TNK2: variants seen among roughly 807,000 people sequenced by gnomAD.
TNK2 encodes activated CDC42 kinase 1.
TNK2 carries 83 observed loss-of-function variants against 101.8 expected under a neutral mutation model. The ratio of observed to expected loss-of-function variants is 0.82; its 90% CI spans 0.68 to 0.98. The LOEUF (loss-of-function observed/expected upper bound fraction) is 0.98, where lower values mean the gene tolerates loss of function less well. Ranked by LOEUF, TNK2 falls within the 50% of genes least tolerant of loss-of-function variation. The probability of loss-of-function intolerance (pLI) is 0.00; values close to 1 mark genes in which losing one functional copy is unlikely to be tolerated. For synonymous variants in TNK2, 804 were observed against 633.0 expected (o/e 1.27, Z -4.06); for missense variants, 1,665 against 1,483.2 (o/e 1.12, Z -2.01).
intron 1 of TNK2, chr3:195,895,600 G>A: frequency 7.7e-7 from 1 of 1,307,090 alleles, no homozygotes; most frequent in South Asian, 2.3e-5. Flanking sequence ...AGCCAGCTGT[G>A]CCAGCCCCGG....
intron 1 of TNK2, among the ~76,000 whole-genome samples, chr3:195,899,089 G>A (rs1414239639): frequency 5.9e-5 from 9 of 152,040 alleles, no homozygotes; most frequent in East Asian, 1.9e-4. Flanking sequence ...GAGAGACTCC[G>A]TCTCAATAAA....
intron 1 of TNK2, among the ~76,000 whole-genome samples, chr3:195,904,982 A>G (rs1420281860): frequency 6.6e-6 from 1 of 152,202 alleles, no homozygotes; most frequent in African/African-American, 2.4e-5. Context: ...GAAATTGACT[A>G]ACTAATTCTA....
Position 195,878,551 on chromosome 3 carries a change from C to A in TNK2, c.1056G>T (p.Arg352=), listed in dbSNP as rs1206861592. The change falls in exon 8 of 16, where the codon CGG becomes CGT. Residue 352 remains arginine, a synonymous_variant. Coordinates refer to ENST00000672887, the MANE Select transcript of TNK2 (RefSeq NM_001382273.1). This position sits in a 1 kb window ranked among gnomAD's most constrained non-coding sequence, Gnocchi z 4.7. ...AGATGTCCTGGGGACAGTCCTCGGG[C>A]CGGGGCAGCCGCTCCCCCTCCTTGT... ...KIDKEGERLP[R]PEDCPQDIYN... 5.0e-6 allele frequency: 8 copies of A among 1,613,372 alleles called. No individual in the cohort carries two copies. Among genetic ancestry groups the A allele is most frequent in the Non-Finnish European group, 6.8e-6 (8 of 1,179,982 alleles).
In TNK2 at chr3:195,899,868, A is replaced by ACGGTGGCTGCTTCTTCCCC. The variant is rs549644370; in HGVS notation, c.-19+8598_-19+8616dup. Among the ~76,000 whole-genome samples, 1,212 of 152,222 alleles carry ACGGTGGCTGCTTCTTCCCC rather than the reference A, an allele frequency of 8.0e-3. 15 individuals are homozygous for ACGGTGGCTGCTTCTTCCCC. Among genetic ancestry groups the ACGGTGGCTGCTTCTTCCCC allele is most frequent in the African/African-American group, 0.028 (1,163 of 41,512 alleles). On this transcript the variant is annotated intron_variant, in intron 1 of 15. Transcript: ENST00000672887. ...CAGTCTTTGTGAGGAACACTGGAGA[A>ACGGTGGCTGCTTCTTCCCC]CGGTGGCTGCTTCTTCCCCCGTGAG...
Position 195,884,965 on chromosome 3 carries a change from G to A in TNK2, c.303C>T (p.Thr101=). Residue 101 remains threonine (T), a synonymous_variant, in exon 4 of 16, where the codon ACC becomes ACT. Transcript: ENST00000672887. The part of the protein sequence containing the change: ...PHHSQSTFRK[T]SPAPGGPAGE... ...CTGCTGGGCCCCCAGGGGCGGGCGA[G>A]GTCTTCCGGAAGGTGCTCTGAGAGT... 5 of 1,613,862 alleles carry A rather than the reference G, an allele frequency of 3.1e-6. No individual in the cohort carries two copies. The highest frequency in any genetic ancestry group is 4.2e-6 in the Non-Finnish European group (5 of 1,179,882).
Position 195,868,441 on chromosome 3 carries a change from C to G in TNK2, c.1857G>C (p.Pro619=). 6.4e-7 allele frequency: 1 copy of G among 1,564,226 alleles called. No individual in the cohort carries two copies. Among genetic ancestry groups the G allele is most frequent in the Non-Finnish European group, 8.6e-7 (1 of 1,164,108 alleles). ...GCAGTGCCCGCGTGGGGCTCTGAGG[C>G]GGGGTCTCGTCCAGCAGGGAGCAGG... ...MDACSLLDET[P]PQSPTRALPR... is the part of the protein sequence containing the mutation. Residue 619 remains proline (P), a synonymous_variant, in exon 13 of 16, where the codon CCG becomes CCC. Coordinates refer to ENST00000672887, the MANE Select transcript of TNK2 (RefSeq NM_001382273.1).
Position 195,878,110 on chromosome 3 carries a change from C to T in TNK2, c.1256+143G>A, listed in dbSNP as rs1408427107. ...GAAGACGGAGGCAGGCCTGTCCTCC[C>T]CTCACACTGCAGGGTTCAGGCCCAA... On this transcript the variant is annotated intron_variant, in intron 9 of 15. Coordinates refer to ENST00000672887, the MANE Select transcript of TNK2 (RefSeq NM_001382273.1). This position sits in a 1 kb window ranked among gnomAD's most constrained non-coding sequence, Gnocchi z 4.7. 3 of 793,788 alleles carry T rather than the reference C, an allele frequency of 3.8e-6. No homozygotes were observed. The highest frequency in any genetic ancestry group is 2.5e-5 in the East Asian group (1 of 40,304). The allele number at this position is 793,788 out of a possible 1,614,324, so 49.2% of individuals were successfully genotyped here.
At chr3:195,865,597 G>A (rs988580392) in intron 15 of TNK2, among the ~76,000 whole-genome samples, 4 of 143,830 alleles carry the variant, frequency 2.8e-5, no homozygotes, top group Non-Finnish European at 6.0e-5. Flanking sequence ...AGGTGACAGC[G>A]AATGCCTGCG....
chr3:195,868,980 T>TC (rs1006066316), intron 12 of TNK2: 1 of 510,172 alleles, frequency 2.0e-6, no homozygotes, highest in Non-Finnish European at 3.4e-6. Flanking sequence ...CAACACTGGC[T>TC]CCTGCCTGAC....
rs368582560 is a variant in TNK2, at chr3:195,870,075, C to T, written c.1543+39G>A. 123 of 1,418,412 alleles carry T rather than the reference C, an allele frequency of 8.7e-5. 1 individual carries two copies. Among genetic ancestry groups the T allele is most frequent in the South Asian group, 8.0e-4 (53 of 65,948 alleles). The allele number at this position is 1,418,412 out of a possible 1,614,324, so 87.9% of individuals were successfully genotyped here. A position where few individuals can be genotyped will look rare whatever the true frequency, so the allele number is the denominator to read the frequency against. On this transcript the variant is annotated intron_variant, in intron 11 of 15. Coordinates refer to ENST00000672887, the MANE Select transcript of TNK2 (RefSeq NM_001382273.1). ...AAGACAGTGCCCCTTCCTGAGTAGC[C>T]GATGAGTTAGGGACACCAGGGAGCA...
chr3:195,884,399 T>G, intron 4 of TNK2: 1 of 160,602 alleles, frequency 6.2e-6, no homozygotes, highest in Non-Finnish European at 1.4e-5. Context: ...TCCAAGCACT[T>G]TGGGAGGCTA....
At chr3:195,887,845 TGTGTGC>T (rs1290992742) in intron 2 of TNK2, among the ~76,000 whole-genome samples, 24 of 94,642 alleles carry the variant, frequency 2.5e-4, no homozygotes, top group African/African-American at 7.5e-4. Flanking sequence ...CGTGTGTGTG[TGTGTGC>T]GTGTCTGTGT....
chr3:195,873,865 T>C (rs1747242338), intron 9 of TNK2, among the ~76,000 whole-genome samples: 1 of 152,108 alleles, frequency 6.6e-6, no homozygotes, highest in African/African-American at 2.4e-5. Flanking sequence ...GTGCTCCCCC[T>C]GCCCAGCCTC....
At position 195,882,996 on chromosome 3, in the gene TNK2, C is replaced by T. The variant is rs546760754; in HGVS notation, c.609+161G>A. Among the ~76,000 whole-genome samples the T allele has an allele frequency of 8.5e-5, 13 of 152,314 alleles. No homozygotes were observed. The highest frequency in any genetic ancestry group is 1.9e-4 in the East Asian group (1 of 5,188). On this transcript the variant is annotated intron_variant, in intron 5 of 15. Transcript: ENST00000672887. This position sits in a 1 kb window ranked among gnomAD's most constrained non-coding sequence, Gnocchi z 4.2. ...GGACTGGACCGCAGCAGACACAGCC[C>T]GTACCAGGCTGGGCCCCTGTGGACC...
chr3:195,882,143 C>T lies in TNK2; in HGVS notation c.795G>A (p.Leu265=), dbSNP rs780470332. The change falls in exon 6 of 16, where the codon CTG becomes CTA. Residue 265 remains leucine, a synonymous_variant. Transcript: ENST00000672887. The surrounding 1 kb of genome is among the most constrained non-coding windows in gnomAD (Gnocchi z 4.2). ...TCAGCCCAAAGTCCCCGATCTTGAC[C>T]AGGTCGCGGGTAGCCAACAGCAGAT... is the stretch of plus-strand genomic sequence containing the variant. ...ARNLLLATRD[L]VKIGDFGLMR... is the part of the protein sequence containing the mutation. 5.6e-6 allele frequency: 9 copies of T among 1,613,898 alleles called. No homozygotes were observed. The highest frequency in any genetic ancestry group is 7.6e-6 in the Non-Finnish European group (9 of 1,180,032).
At chr3:195,887,747 G>A (rs75541004) in intron 2 of TNK2, among the ~76,000 whole-genome samples, 3 of 150,960 alleles carry the variant, frequency 2.0e-5, no homozygotes, top group East Asian at 3.9e-4. Flanking sequence ...GCGTGTGTGT[G>A]CACACGCGTG....
At chr3:195,899,064 C>A (rs929964199) in intron 1 of TNK2, among the ~76,000 whole-genome samples, 16 of 152,052 alleles carry the variant, frequency 1.1e-4, no homozygotes, top group African/African-American at 3.6e-4. Context: ...CCACTGCACT[C>A]CAGCCTGGGC....
chr3:195,871,334 GGGGAGGC>G (rs1745181026), intron 10 of TNK2, among the ~76,000 whole-genome samples: 3 of 152,102 alleles, frequency 2.0e-5, no homozygotes, highest in Non-Finnish European at 4.4e-5. Flanking sequence ...ACTGTGTGGT[GGGGAGGC>G]GGAGCTGCCA....
In TNK2 at chr3:195,878,217, C is replaced by T. The variant is rs771070119; in HGVS notation, c.1256+36G>A. On this transcript the variant is annotated intron_variant, in intron 9 of 15. Transcript: ENST00000672887. The surrounding 1 kb of genome is among the most constrained non-coding windows in gnomAD (Gnocchi z 4.7). ...GTCCCTCCGACCTGTGCCCTTCAAGCGATCCCAGGGCGGGGCCCAGCCCTG... is the reference window on the plus strand; with the variant it reads ...GTCCCTCCGACCTGTGCCCTTCAAGTGATCCCAGGGCGGGGCCCAGCCCTG... 20 of 1,606,484 alleles carry T rather than the reference C, an allele frequency of 1.2e-5. No individual in the cohort carries two copies. Among genetic ancestry groups the T allele is most frequent in the Admixed American group, 1.7e-5 (1 of 60,012 alleles).
Sources: gnomAD v4.1 joint callset for allele counts (sites outside exome capture counted in the v4.1 genomes callset) on GRCh38, gnomAD v4.1.1 for gene constraint, Gnocchi (gnomAD v3.1) non-coding constraint, MANE v1.5 for transcripts, NCBI Gene and HGNC (gene_info 2026-07-23, HGNC 2026-07-21) for gene names.